Variants in ZNF783 observed in about 807,000 individuals in gnomAD.
ZNF783 encodes zinc finger protein 783, also known as protein ZNF783.
Under a neutral mutation model 31.3 loss-of-function variants are expected in ZNF783, and 25 were observed. The observed-to-expected ratio is 0.80, with a 90% CI of 0.58 to 1.11. The LOEUF is 1.11. Among genes scored for constraint, ZNF783 ranks in the 50% most tolerant of loss-of-function variants. The pLI is 0.00. For missense variants in ZNF783, 797 were observed against 760.0 expected (o/e 1.05, Z -0.57); for synonymous variants, 369 against 319.1 (o/e 1.16, Z -1.66).
chr7:149,278,671 T>C, intron 5 of ZNF783, 144 bp downstream of exon 5: 1 of 1,397,452 alleles, frequency 7.2e-7, no homozygotes, highest in South Asian at 1.4e-5. Flanking sequence ...CGGACAGGCT[T>C]TCTGGGAAAG....
chr7:149,262,279 CG>C lies in ZNF783; in HGVS notation c.-52del. The C allele has an allele frequency of 7.5e-7, 1 of 1,326,746 alleles. No individual in the cohort carries two copies. The highest frequency in any genetic ancestry group is 9.7e-7 in the Non-Finnish European group (1 of 1,035,218). 82.2% of individuals were successfully genotyped at this position (1,326,746 alleles called of 1,614,324 possible). The stretch of plus-strand genomic sequence containing the variant: ...TTCCGCCGTCGCTGCCGCGCCGCCC[CG>C]GGCCCGACAGGCCGGGTCCAGGGAC... On this transcript the variant is annotated 5_prime_UTR_variant, in exon 1 of 6. Transcript: ENST00000434415.
chr7:149,268,743 C>A (rs1017938056), intron 4 of ZNF783, among the ~76,000 whole-genome samples: 2 of 152,130 alleles, frequency 1.3e-5, no homozygotes, highest in African/African-American at 4.8e-5. Context: ...AGGATTATGG[C>A]CTTCAGCTTC....
chr7:149,275,335 C>T (rs1292686745), intron 4 of ZNF783, among the ~76,000 whole-genome samples: 16 of 146,808 alleles, frequency 1.1e-4, no homozygotes, highest in South Asian at 2.1e-4. Context: ...TTTTTTTAGA[C>T]GGAGTTTCGC....
At chr7:149,267,749 A>G (rs2129524828) in intron 4 of ZNF783, among the ~76,000 whole-genome samples, 1 of 152,216 alleles carries the variant, frequency 6.6e-6, no homozygotes, top group South Asian at 2.1e-4. Context: ...ATGAGCCGAG[A>G]TTGCGCCACT....
At chr7:149,269,028 T>G (rs1296996805) in intron 4 of ZNF783, among the ~76,000 whole-genome samples, 1 of 152,266 alleles carries the variant, frequency 6.6e-6, no homozygotes, top group Admixed American at 6.5e-5. Flanking sequence ...TTCAAACTGC[T>G]TTCCACAGTG....
At position 149,282,008 on chromosome 7, in the gene ZNF783, TACC is replaced by T. The variant is rs1797484753; in HGVS notation, c.1309_1311del (p.His437del). ...GCGGCGGCCTGCAGCCAGCAAGATG[TACC>T]ACTGCAGCGAGTGCCTGCGCTTCTT... On this transcript the variant is annotated inframe_deletion, in exon 6 of 6. Coordinates refer to ENST00000434415, the MANE Select transcript of ZNF783 (RefSeq NM_001195220.2). 1 of 1,583,716 alleles carries T rather than the reference TACC, an allele frequency of 6.3e-7. No individual in the cohort carries two copies. The highest frequency in any genetic ancestry group is 1.7e-5 in the Admixed American group (1 of 57,870).
rs1318600100 is a variant in ZNF783, at chr7:149,267,133, TAG to T, written c.589_590del (p.Arg197GlyfsTer7). On this transcript the variant is annotated frameshift_variant, in exon 4 of 6. Coordinates refer to ENST00000434415, the MANE Select transcript of ZNF783 (RefSeq NM_001195220.2). LOFTEE classifies it high-confidence loss of function. Reference sequence around the variant, plus strand: ...TCCAAACCAGACATCCTCACCCGGATAGAGAGGGGAGAGGAGCCTTGTCTTGA... The same window carrying T: ...TCCAAACCAGACATCCTCACCCGGATAGAGGGGAGAGGAGCCTTGTCTTGA... 6.3e-7 allele frequency: 1 copy of T among 1,599,414 alleles called. No homozygotes were observed. The highest frequency in any genetic ancestry group is 8.5e-7 in the Non-Finnish European group (1 of 1,179,738).
chr7:149,272,723 T>C (rs908520078), intron 4 of ZNF783, among the ~76,000 whole-genome samples: 1 of 152,238 alleles, frequency 6.6e-6, no homozygotes, highest in Non-Finnish European at 1.5e-5. Flanking sequence ...AAGCATTTAT[T>C]ATTTCTTTGT....
chr7:149,266,213 C>A, intron 1 of ZNF783, 122 bp from the exon 2 acceptor site: 1 of 1,192,682 alleles, frequency 8.4e-7, no homozygotes, highest in Non-Finnish European at 1.1e-6. Context: ...CAGTCTGCTG[C>A]TAACTCAGGA....
In ZNF783 at chr7:149,281,661, T is replaced by C. The variant is rs767592206; in HGVS notation, c.959T>C (p.Met320Thr). ...GGPSRHQAQG[M>T]PRVRAGEPRP... ...CCCAGCCGTCATCAGGCCCAGGGCATGCCCAGGGTGCGGGCAGGGGAGCCA... is the reference window on the plus strand; with the variant it reads ...CCCAGCCGTCATCAGGCCCAGGGCACGCCCAGGGTGCGGGCAGGGGAGCCA... Residue 320 changes from methionine to threonine, a missense_variant, in exon 6 of 6, where the codon ATG becomes ACG. Met to Thr is a moderately conservative substitution (Grantham distance 81). Coordinates refer to ENST00000434415, the MANE Select transcript of ZNF783 (RefSeq NM_001195220.2). The C allele has an allele frequency of 2.6e-6, 4 of 1,521,886 alleles. No homozygotes were observed. Among genetic ancestry groups the C allele is most frequent in the Non-Finnish European group, 3.5e-6 (4 of 1,146,576 alleles). 94.3% of individuals were successfully genotyped at this position (1,521,886 alleles called of 1,614,324 possible).
rs373801990 is a variant in ZNF783 at position 149,282,190 on chromosome 7, C to T, written c.1488C>T (p.Cys496=). The T allele has an allele frequency of 1.2e-6, 2 of 1,600,514 alleles. No homozygotes were observed. Among genetic ancestry groups the T allele is most frequent in the East Asian group, 2.2e-5 (1 of 44,874 alleles). ...RIHTGERPYQ[C]PQCGRTFNRN... ...ACACCGGTGAGCGGCCCTACCAGTGCCCCCAGTGTGGCCGGACCTTCAACC... is the reference window on the plus strand; with the variant it reads ...ACACCGGTGAGCGGCCCTACCAGTGTCCCCAGTGTGGCCGGACCTTCAACC... Residue 496 remains cysteine, a synonymous_variant, in exon 6 of 6, where the codon TGC becomes TGT. Transcript: ENST00000434415.
chr7:149,282,283 C>A lies in ZNF783; in HGVS notation c.1581C>A (p.Ala527=). ...GCCAGGTGGGCCCACACTTCCCTGCCGCCCCCGCCCGCCACGGGAGCCTGC... is the reference window on the plus strand; with the variant it reads ...GCCAGGTGGGCCCACACTTCCCTGCAGCCCCCGCCCGCCACGGGAGCCTGC... ...ARGQVGPHFP[A]APARHGSLPL... The change falls in exon 6 of 6, where the codon GCC becomes GCA. Residue 527 remains alanine (A), a synonymous_variant. Coordinates refer to ENST00000434415, the MANE Select transcript of ZNF783 (RefSeq NM_001195220.2). 1 of 1,558,538 alleles carries A rather than the reference C, an allele frequency of 6.4e-7. No individual in the cohort carries two copies. The highest frequency in any genetic ancestry group is 8.6e-7 in the Non-Finnish European group (1 of 1,160,614).
chr7:149,282,177 GGCC>G lies in ZNF783; in HGVS notation c.1476_1478del (p.Pro493del), dbSNP rs1433357013. The G allele has an allele frequency of 5.6e-6, 9 of 1,600,872 alleles. 1 individual carries two copies. The East Asian group carries it at 2.0e-4, about 36-fold the overall frequency. ...CACCAGCGCATCCACACCGGTGAGC[GGCC>G]CTACCAGTGCCCCCAGTGTGGCCGG... On this transcript the variant is annotated inframe_deletion, in exon 6 of 6. Coordinates refer to ENST00000434415, the MANE Select transcript of ZNF783 (RefSeq NM_001195220.2).
intron 4 of ZNF783, among the ~76,000 whole-genome samples, chr7:149,273,004 G>A (rs1348660839): frequency 6.6e-6 from 1 of 151,992 alleles, no homozygotes; most frequent in African/African-American, 2.4e-5. Context: ...TGCAAAGTTT[G>A]TCTTTCTGTG....
chr7:149,266,198 C>T (rs1417371841), intron 1 of ZNF783, 137 bp from the exon 2 acceptor site: 2 of 1,012,336 alleles, frequency 2.0e-6, no homozygotes, highest in Non-Finnish European at 2.8e-6. Context: ...TCTCCCTCTC[C>T]CCCCCAGTCT....
chr7:149,269,170 T>G (rs1470510882), intron 4 of ZNF783, among the ~76,000 whole-genome samples: 3 of 152,242 alleles, frequency 2.0e-5, no homozygotes, highest in African/African-American at 7.2e-5. Flanking sequence ...TCTCATGGTT[T>G]TGATTTACAT....
intron 5 of ZNF783, among the ~76,000 whole-genome samples, chr7:149,281,066 C>T (rs1475309314): frequency 6.6e-6 from 1 of 152,178 alleles, no homozygotes; most frequent in Non-Finnish European, 1.5e-5. Flanking sequence ...CCACAGAGGC[C>T]TCTTAGGGTG....
chr7:149,276,929 A>G (rs1797345462), intron 4 of ZNF783, among the ~76,000 whole-genome samples: 2 of 151,804 alleles, frequency 1.3e-5, no homozygotes, highest in East Asian at 1.9e-4. Context: ...GCTCACTGCA[A>G]GCTCCGCCTC....
chr7:149,282,292 C>A lies in ZNF783; in HGVS notation c.1590C>A (p.Ala530=). 1 of 1,570,554 alleles carries A rather than the reference C, an allele frequency of 6.4e-7. No homozygotes were observed. Among genetic ancestry groups the A allele is most frequent in the Non-Finnish European group, 8.6e-7 (1 of 1,166,960 alleles). The change falls in exon 6 of 6, where the codon GCC becomes GCA. Residue 530 remains alanine (A), a synonymous_variant. Coordinates refer to ENST00000434415, the MANE Select transcript of ZNF783 (RefSeq NM_001195220.2). Reference sequence around the variant, plus strand: ...GCCCACACTTCCCTGCCGCCCCCGCCCGCCACGGGAGCCTGCCCCTGCCCT... The same window carrying A: ...GCCCACACTTCCCTGCCGCCCCCGCACGCCACGGGAGCCTGCCCCTGCCCT... ...QVGPHFPAAP[A]RHGSLPLPWP... is the part of the protein sequence containing the mutation.
Sources: allele counts gnomAD v4.1 joint callset (sites outside exome capture counted in the v4.1 genomes callset), GRCh38; gene constraint gnomAD v4.1.1; transcripts MANE v1.5; gene names NCBI Gene and HGNC (gene_info 2026-07-23, HGNC 2026-07-21).